The following AFF1 variants were observed in gnomAD, a reference collection of about 807,000 sequenced individuals.
The protein encoded by AFF1 is ALF transcription elongation factor 1, also known as AF4/FMR2 family member 1.
A neutral mutation model predicts 121.7 loss-of-function variants in AFF1; 48 were observed. The ratio of observed to expected loss-of-function variants is 0.39; its 90% confidence interval spans 0.31 to 0.50. The LOEUF is 0.50. Among genes scored for constraint, AFF1 ranks in the 20% least tolerant of loss-of-function variants. AFF1 has a pLI of 0.76. For synonymous variants in AFF1, 613 were observed against 563.0 expected, an observed-to-expected ratio of 1.09 and a Z score of -1.26; for missense variants, 1,523 against 1,511.7, an observed-to-expected ratio of 1.01 and a Z score of -0.12.
intron 2 of AFF1, chr4:86,973,694 C>CCAGAGTTAA (rs759803811): frequency 2.5e-4 from 38 of 152,140 alleles, no homozygotes; most frequent in Non-Finnish European, 1.0e-4. Context: ...CCTGCCTTTT[C>CCAGAGTTAA]CAGAGTTAAC....
In AFF1 at chr4:87,022,570, ATATATATATATATCTATC is replaced by A. The variant is rs1180936838; in HGVS notation, c.39-23590_39-23573del. ...TATATATATATATATATATATATAT[ATATATATATATATCTATC>A]TATATCTATCTGTGTGTATATATAT... On this transcript the variant is annotated intron_variant, in intron 2 of 20. Transcript: ENST00000395146. Among the ~76,000 whole-genome samples, 16 of 85,978 alleles carry A rather than the reference ATATATATATATATCTATC, an allele frequency of 1.9e-4. 1 individual carries two copies. Among genetic ancestry groups the A allele is most frequent in the Non-Finnish European group, 2.2e-5 (1 of 45,108 alleles). The allele number at this position is 85,978 out of a possible 152,430, so 56.4% of individuals were successfully genotyped here. A position where few individuals can be genotyped will look rare whatever the true frequency, so the allele number is the denominator to read the frequency against.
chr4:87,007,542 TCTC>T, intron 2 of AFF1: 1 of 1,340,832 alleles, frequency 7.5e-7, no homozygotes, highest in Non-Finnish European at 1.1e-6. Context: ...GTCATTGCCT[TCTC>T]ATCATTCCCG....
At chr4:87,127,915 A>G (rs1348070768) in intron 16 of AFF1, among the ~76,000 whole-genome samples, 1 of 152,168 alleles carries the variant, frequency 6.6e-6, no homozygotes, top group Non-Finnish European at 1.5e-5. Flanking sequence ...ATTAAGGGGT[A>G]GGTGGTTCTT....
chr4:87,056,961 G>T (rs903334048), intron 4 of AFF1, among the ~76,000 whole-genome samples: 1 of 152,236 alleles, frequency 6.6e-6, no homozygotes, highest in Non-Finnish European at 1.5e-5. Flanking sequence ...GAGATTGGTT[G>T]TCCAAGCTTC....
chr4:86,998,128 CAA>C (rs1725383416), intron 2 of AFF1, among the ~76,000 whole-genome samples: 1 of 88,312 alleles, frequency 1.1e-5, no homozygotes, highest in Admixed American at 1.1e-4. Flanking sequence ...AAAAAAAAAA[CAA>C]GAAAACTGCG....
At chr4:87,082,963 C>A (rs17012394) in intron 4 of AFF1, among the ~76,000 whole-genome samples, 2,029 of 152,154 alleles carry the variant, frequency 0.013, 44 homozygotes, top group African/African-American at 0.046. Flanking sequence ...ATTAAATGGA[C>A]CAAAAAGAGC....
intron 2 of AFF1, among the ~76,000 whole-genome samples, chr4:87,029,047 G>A (rs1728811721): frequency 6.6e-6 from 1 of 152,108 alleles, no homozygotes; most frequent in Non-Finnish European, 1.5e-5. Flanking sequence ...AATTAATGGT[G>A]GGTCTGTAAA....
chr4:87,114,808 C>T lies in AFF1; in HGVS notation c.1975C>T (p.Arg659Trp), dbSNP rs780547078. Reference sequence around the variant, plus strand: ...CAAGGTGAAGACGAAAGGACGGCCCCGGGCCGCAGCAAGCAACGAACCCAA... The same window carrying T: ...CAAGGTGAAGACGAAAGGACGGCCCTGGGCCGCAGCAAGCAACGAACCCAA... ...KPKVKTKGRP[R>W]AAASNEPKPA... The change falls in exon 12 of 21, where the codon CGG becomes TGG. Residue 659 changes from arginine to tryptophan, a missense_variant. Physicochemically the swap from Arg to Trp is moderately radical, Grantham distance 101. This residue lies in a region of AFF1 where 905 missense variants were observed against 842.5 expected (regional missense o/e 1.07). Coordinates refer to ENST00000395146, the MANE Select transcript of AFF1 (RefSeq NM_001166693.3). 37 of 1,613,358 alleles carry T rather than the reference C, an allele frequency of 2.3e-5. No homozygotes were observed. The highest frequency in any genetic ancestry group is 4.4e-5 in the South Asian group (4 of 91,042).
intron 2 of AFF1, among the ~76,000 whole-genome samples, chr4:87,016,605 C>T (rs1220776477): frequency 2.0e-5 from 3 of 151,584 alleles, no homozygotes; most frequent in Non-Finnish European, 4.4e-5. Flanking sequence ...TCATAAAATT[C>T]ACTCATGTCA....
intron 4 of AFF1, among the ~76,000 whole-genome samples, chr4:87,055,303 A>G (rs1018586795): frequency 3.9e-5 from 6 of 152,264 alleles, no homozygotes; most frequent in African/African-American, 1.2e-4. Flanking sequence ...AATGCAAAGA[A>G]TAGAATTGCT....
intron 2 of AFF1, among the ~76,000 whole-genome samples, chr4:86,989,395 A>C (rs1165572738): frequency 6.6e-6 from 1 of 152,240 alleles, no homozygotes; most frequent in Non-Finnish European, 1.5e-5. Flanking sequence ...TCTCAAAAGA[A>C]GACATTTATG....
chr4:87,101,556 G>A (rs1006175677), intron 8 of AFF1, among the ~76,000 whole-genome samples: 39 of 148,150 alleles, frequency 2.6e-4, no homozygotes, highest in African/African-American at 9.7e-4. Context: ...TCCAGCATGG[G>A]CGACAGAGTG....
chr4:87,026,060 G>GTT (rs1465432076), intron 2 of AFF1, among the ~76,000 whole-genome samples: 1 of 108,254 alleles, frequency 9.2e-6, no homozygotes, highest in Non-Finnish European at 1.8e-5. Context: ...CAGAGACCAT[G>GTT]CTTTTTTTTT....
chr4:86,941,759 C>G (rs1048983800), intron 1 of AFF1, among the ~76,000 whole-genome samples: 5 of 152,130 alleles, frequency 3.3e-5, no homozygotes, highest in Admixed American at 2.0e-4. Context: ...ATTGCTTGAG[C>G]CTTGACCTAG....
intron 8 of AFF1, among the ~76,000 whole-genome samples, chr4:87,097,275 G>C (rs896180269): frequency 1.3e-5 from 2 of 152,234 alleles, no homozygotes; most frequent in Non-Finnish European, 2.9e-5. Flanking sequence ...AAGTTGGGTA[G>C]TGACTGTGTC....
At chr4:87,025,454 G>A (rs1488764238) in intron 2 of AFF1, among the ~76,000 whole-genome samples, 2 of 152,214 alleles carry the variant, frequency 1.3e-5, no homozygotes, top group Non-Finnish European at 2.9e-5. Flanking sequence ...GTAGCCATTG[G>A]CAAAGATTTC....
In AFF1 at chr4:86,980,955, CCT is replaced by C. The variant is rs386676956; in HGVS notation, c.38+32386_38+32387del. 2.2e-3 allele frequency among the ~76,000 whole-genome samples: 307 copies of C among 136,690 alleles called. 27 individuals are homozygous for C. Among genetic ancestry groups the C allele is most frequent in the East Asian group, 5.6e-3 (25 of 4,432 alleles). 89.7% of individuals were successfully genotyped at this position (136,690 alleles called of 152,430 possible). ...TTTGCGAGGCTTGAGGCACCCCCCC[CCT>C]CCACCAAAAAAAAGGAAAGTAACAA... On this transcript the variant is annotated intron_variant, in intron 2 of 20. Transcript: ENST00000395146.
intron 2 of AFF1, among the ~76,000 whole-genome samples, chr4:87,040,364 G>A (rs2149600355): frequency 6.6e-6 from 1 of 152,272 alleles, no homozygotes; most frequent in Non-Finnish European, 1.5e-5. Flanking sequence ...CTAAATTGTT[G>A]ATGTGTACCT....
At position 87,138,188 on chromosome 4, in the gene AFF1, AGAGT is replaced by A. The variant is rs1023954386; in HGVS notation, c.*2488_*2491del. On this transcript the variant is annotated 3_prime_UTR_variant, in exon 21 of 21. Coordinates refer to ENST00000395146, the MANE Select transcript of AFF1 (RefSeq NM_001166693.3). ...AGTAACTAATGGTAACCTTTTTAAT[AGAGT>A]ATGTGAAAGGTAGTGGCTGATGAAT... The A allele has an allele frequency of 2.2e-4, 52 of 232,598 alleles. No homozygotes were observed. Among genetic ancestry groups the A allele is most frequent in the African/African-American group, 9.2e-4 (42 of 45,406 alleles). 14.4% of individuals were successfully genotyped at this position (232,598 alleles called of 1,614,324 possible).
Sources: allele counts gnomAD v4.1 joint callset (sites outside exome capture counted in the v4.1 genomes callset), GRCh38; gene constraint gnomAD v4.1.1; regional missense constraint gnomAD v4.1.1; transcripts MANE v1.5; gene names NCBI Gene and HGNC (gene_info 2026-07-23, HGNC 2026-07-21).